Variants in SLIT1 observed in about 807,000 individuals in gnomAD.
SLIT1 encodes the protein slit guidance ligand 1, also known as slit homolog 1 protein.
SLIT1 carries 66 observed loss-of-function variants against 186.1 expected under a neutral mutation model. That is an observed-to-expected ratio of 0.35 (90% confidence interval 0.29 to 0.44). SLIT1 has a LOEUF of 0.44. SLIT1 is among the 20% of genes least tolerant of loss of function. The pLI, the probability that SLIT1 is intolerant of heterozygous loss-of-function variation, is 1.00. For missense variants in SLIT1, 1,638 were observed against 2,037.4 expected (o/e 0.80, Z 3.77); for synonymous variants, 761 against 833.8 (o/e 0.91, Z 1.50).
At chr10:97,176,505 T>G (rs992381662) in intron 1 of SLIT1, among the ~76,000 whole-genome samples, 5 of 152,018 alleles carry the variant, frequency 3.3e-5, no homozygotes, top group African/African-American at 1.2e-4. Context: ...CTGCTCCCCC[T>G]CAGAGCTCCC....
intron 28 of SLIT1, among the ~76,000 whole-genome samples, chr10:97,018,083 G>A (rs954305674): frequency 2.0e-5 from 3 of 152,154 alleles, no homozygotes; most frequent in East Asian, 1.9e-4. Flanking sequence ...TCCTGACCTC[G>A]TGATCTGCCC....
Position 97,006,838 on chromosome 10 carries a change from G to A in SLIT1, c.3342-118C>T. ...GGGAAAATGGATTCTTAAAGCGACA[G>A]AAGATGCTCCTAATAAACACTTTTC... On this transcript the variant is annotated intron_variant, in intron 31 of 36. Transcript: ENST00000266058. This position sits in a 1 kb window ranked among gnomAD's most constrained non-coding sequence, Gnocchi z 4.0. 1.4e-6 allele frequency: 1 copy of A among 699,462 alleles called. No individual in the cohort carries two copies. Among genetic ancestry groups the A allele is most frequent in the East Asian group, 2.7e-5 (1 of 36,840 alleles). The allele number at this position is 699,462 out of a possible 1,614,324, so 43.3% of individuals were successfully genotyped here.
intron 17 of SLIT1, 31 bp downstream of exon 17, chr10:97,046,960 A>G: frequency 6.3e-7 from 1 of 1,583,672 alleles, no homozygotes; most frequent in Non-Finnish European, 8.7e-7. Context: ...CAGCATCCCA[A>G]CAGACACCTT....
In SLIT1 at chr10:97,047,721, G is replaced by T; in HGVS notation, c.1603C>A (p.Pro535Thr). ...ECSSLKLTKI[P>T]ERIPQSTAEL... ...GCCGTGGACTGGGGGATGCGCTCAG[G>T]GATCTTGGTGAGCTTCAGGCTGGAG... Residue 535 changes from proline to threonine, a missense_variant, in exon 16 of 37, where the codon CCT becomes ACT. Pro to Thr is a conservative substitution (Grantham distance 38). Around this residue, in one of 3 missense-constraint regions of SLIT1, gnomAD observed 1,245 missense variants for 1,535.3 expected, o/e 0.81. Transcript: ENST00000266058. The T allele has an allele frequency of 6.2e-7, 1 of 1,614,016 alleles. No homozygotes were observed. Among genetic ancestry groups the T allele is most frequent in the Non-Finnish European group, 8.5e-7 (1 of 1,180,038 alleles).
intron 1 of SLIT1, among the ~76,000 whole-genome samples, chr10:97,174,547 A>C (rs981192658): frequency 1.3e-5 from 2 of 152,178 alleles, no homozygotes; most frequent in African/African-American, 4.8e-5. Context: ...AGCCCCAAGG[A>C]GGAGGAGGCA....
At chr10:97,046,314 C>T (rs554385338) in intron 18 of SLIT1, among the ~76,000 whole-genome samples, 137 of 152,290 alleles carry the variant, frequency 9.0e-4, no homozygotes, top group African/African-American at 3.2e-3. Context: ...TCATCCAGCC[C>T]CTCCTGCCTG....
At chr10:97,032,915 C>T (rs997910939) in intron 23 of SLIT1, among the ~76,000 whole-genome samples, 2 of 152,156 alleles carry the variant, frequency 1.3e-5, no homozygotes, top group African/African-American at 4.8e-5. Flanking sequence ...ACGACTTTCT[C>T]CATTTGTATG....
chr10:97,180,107 A>G (rs1850314756), intron 1 of SLIT1, among the ~76,000 whole-genome samples: 1 of 152,182 alleles, frequency 6.6e-6, no homozygotes, highest in Non-Finnish European at 1.5e-5. Flanking sequence ...ACCGAGGAAG[A>G]TCAGCCCCTC....
At chr10:97,138,776 G>T (rs1352547623) in intron 4 of SLIT1, among the ~76,000 whole-genome samples, 1 of 152,218 alleles carries the variant, frequency 6.6e-6, no homozygotes, top group Non-Finnish European at 1.5e-5. Context: ...CAGCATAACA[G>T]TATAATTGAT....
At chr10:97,114,474 A>G (rs1719158077) in intron 4 of SLIT1, among the ~76,000 whole-genome samples, 1 of 152,092 alleles carries the variant, frequency 6.6e-6, no homozygotes, top group South Asian at 2.1e-4. Flanking sequence ...AGGAAACAAG[A>G]CCAGCCTGGG....
chr10:97,065,823 G>A (rs1055204609), intron 5 of SLIT1, among the ~76,000 whole-genome samples, 192 bp downstream of exon 5: 5 of 152,186 alleles, frequency 3.3e-5, no homozygotes, highest in African/African-American at 9.7e-5. Context: ...ACAACCAAGG[G>A]AGAGGCAAGG....
At position 97,098,293 on chromosome 10, in the gene SLIT1, C is replaced by T. The variant is rs550267732; in HGVS notation, c.414-32207G>A. Among the ~76,000 whole-genome samples, 175 of 152,300 alleles carry T rather than the reference C, an allele frequency of 1.1e-3. No homozygotes were observed. In the Middle Eastern group the frequency reaches 0.014, roughly 12 times the overall value. ...TGTGCTGAGTACCATTTTCTGTTCA[C>T]AAAAGTCCTACTGCTGCTCCCAACT... On this transcript the variant is annotated intron_variant, in intron 4 of 36. Coordinates refer to ENST00000266058, the MANE Select transcript of SLIT1 (RefSeq NM_003061.3).
At chr10:97,163,501 G>A (rs936312171) in intron 2 of SLIT1, 50 bp from the exon 3 acceptor site, 21 of 1,529,270 alleles carry the variant, frequency 1.4e-5, no homozygotes, top group Admixed American at 3.3e-5. Flanking sequence ...GACAAGGGCT[G>A]CTAGAAACAG....
At chr10:97,165,630 C>A (rs1241505250) in intron 1 of SLIT1, among the ~76,000 whole-genome samples, 1 of 152,056 alleles carries the variant, frequency 6.6e-6, no homozygotes, top group Non-Finnish European at 1.5e-5. Context: ...GGAAGGCAGG[C>A]CCAGATCACA....
Position 97,115,967 on chromosome 10 carries a change from G to A in SLIT1, c.413+41851C>T, listed in dbSNP as rs1173757201. ...TTGATGGGCAGAGTATGAGAAGCAG[G>A]GGGCCGAGTTGACAGAGCACAGGCT... is the stretch of plus-strand genomic sequence containing the variant. On this transcript the variant is annotated intron_variant, in intron 4 of 36. Coordinates refer to ENST00000266058, the MANE Select transcript of SLIT1 (RefSeq NM_003061.3). Among the ~76,000 whole-genome samples, 7 of 152,220 alleles carry A rather than the reference G, an allele frequency of 4.6e-5. No individual in the cohort carries two copies. In the East Asian group the frequency reaches 1.3e-3, roughly 29 times the overall value.
intron 4 of SLIT1, among the ~76,000 whole-genome samples, chr10:97,082,816 G>A (rs971096900): frequency 2.6e-5 from 4 of 152,244 alleles, no homozygotes; most frequent in Non-Finnish European, 5.9e-5. Context: ...GAGAATGTGT[G>A]TGGGAGGGGG....
At chr10:97,138,405 T>G (rs780305037) in intron 4 of SLIT1, among the ~76,000 whole-genome samples, 71 of 152,352 alleles carry the variant, frequency 4.7e-4, no homozygotes, top group South Asian at 2.3e-3. Context: ...GATGCACTCT[T>G]GCAGGGAGGC....
chr10:97,151,730 T>C (rs116520421), intron 4 of SLIT1, among the ~76,000 whole-genome samples: 340 of 152,224 alleles, frequency 2.2e-3, no homozygotes, highest in African/African-American at 7.6e-3. Flanking sequence ...ATCTGTAAAA[T>C]TCGGAAAGTG....
intron 4 of SLIT1, among the ~76,000 whole-genome samples, chr10:97,112,697 TTTTTG>T (rs1163149758): frequency 2.6e-5 from 4 of 152,140 alleles, no homozygotes; most frequent in Non-Finnish European, 4.4e-5. Context: ...ATTAATTTGT[TTTTTG>T]TTTTGTTTTG....
Sources: gnomAD v4.1 joint callset for allele counts (sites outside exome capture counted in the v4.1 genomes callset) on GRCh38, gnomAD v4.1.1 for gene constraint, gnomAD v4.1.1 regional missense constraint, Gnocchi (gnomAD v3.1) non-coding constraint, MANE v1.5 for transcripts, NCBI Gene and HGNC (gene_info 2026-07-23, HGNC 2026-07-21) for gene names.